Variants in MIB2 observed in about 807,000 individuals in gnomAD.
MIB2 encodes E3 ubiquitin-protein ligase MIB2.
MIB2 carries 78 observed loss-of-function variants against 96.6 expected under a neutral mutation model. The observed-to-expected ratio is 0.81, with a 90% CI of 0.67 to 0.97. MIB2 has a LOEUF of 0.97. MIB2 is among the 50% of genes least tolerant of loss of function. The probability of loss-of-function intolerance (pLI) is 0.00; values close to 1 mark genes in which losing one functional copy is unlikely to be tolerated. For missense variants in MIB2, 1,543 were observed against 1,424.0 expected, an observed-to-expected ratio of 1.08 and a Z score of -1.35; for synonymous variants, 820 against 629.5, an observed-to-expected ratio of 1.30 and a Z score of -4.53.
intron 2 of MIB2, among the ~76,000 whole-genome samples, chr1:1,622,605 G>T (rs936984937): frequency 1.3e-5 from 2 of 152,254 alleles, no homozygotes; most frequent in African/African-American, 4.8e-5. Context: ...GCTCTGGCTT[G>T]TGCTCTGTGT....
At chr1:1,616,237 C>A in intron 1 of MIB2, 1 of 483,318 alleles carries the variant, frequency 2.1e-6, no homozygotes, top group Non-Finnish European at 2.8e-6. Flanking sequence ...CGCCCGTTCC[C>A]CTGCGCCGGC....
upstream of MIB2, chr1:1,615,320 C>T: frequency 7.2e-7 from 1 of 1,387,484 alleles, no homozygotes; most frequent in Non-Finnish European, 9.3e-7. Flanking sequence ...GAGTGCGTCT[C>T]TAGGACCGCC....
intron 2 of MIB2, 50 bp downstream of exon 2, chr1:1,616,664 C>A: frequency 6.9e-7 from 1 of 1,450,344 alleles, no homozygotes; most frequent in Non-Finnish European, 9.4e-7. Context: ...GGCTCTCCCA[C>A]TTTGGGGCTC....
chr1:1,628,451 G>A (rs1459868086), intron 15 of MIB2, 38 bp from the exon 16 acceptor site: 5 of 1,598,088 alleles, frequency 3.1e-6, no homozygotes, highest in Non-Finnish European at 4.3e-6. Flanking sequence ...GAGGCCCACT[G>A]GGGTCCCTGG....
In MIB2 at chr1:1,628,356, C is replaced by T. The variant is rs1232218317; in HGVS notation, c.1925C>T (p.Ala642Val). Residue 642 changes from alanine (A) to valine (V), a missense_variant, in exon 15 of 20, where the codon GCC becomes GTC. Coordinates refer to ENST00000355826, the MANE Select transcript of MIB2 (RefSeq NM_001170687.4). ...EDGFTALHLA[A>V]LNNHREVAQI... ...GGCTTCACGGCGCTGCATCTGGCTG[C>T]CCTCAACAACCACCGCGAGGTGGCC... The T allele has an allele frequency of 4.3e-6, 7 of 1,612,658 alleles. No homozygotes were observed. The highest frequency in any genetic ancestry group is 2.2e-5 in the East Asian group (1 of 44,890).
In MIB2 at chr1:1,625,761, C is replaced by CG; in HGVS notation, c.972+109dup. ...AGGACTAGGGTGCCAGCTGCACCCA[C>CG]GAGTCCCCAGCCCTGAAGGAAGGGG... On this transcript the variant is annotated intron_variant, in intron 8 of 19. Coordinates refer to ENST00000355826, the MANE Select transcript of MIB2 (RefSeq NM_001170687.4). The surrounding 1 kb of genome is among the most constrained non-coding windows in gnomAD (Gnocchi z 5.0). 2.3e-6 allele frequency: 2 copies of CG among 872,784 alleles called. No homozygotes were observed. The highest frequency in any genetic ancestry group is 5.4e-5 in the East Asian group (2 of 37,252). 54.1% of individuals were successfully genotyped at this position (872,784 alleles called of 1,614,324 possible). A position where few individuals can be genotyped will look rare whatever the true frequency, so the allele number is the denominator to read the frequency against.
intron 16 of MIB2, 51 bp from the exon 17 acceptor site, chr1:1,629,082 C>T (rs1402225879): frequency 7.2e-7 from 1 of 1,392,110 alleles, no homozygotes; most frequent in Non-Finnish European, 9.2e-7. Flanking sequence ...AGACGCCTCC[C>T]TCGGGCCTGC....
At chr1:1,623,277 GCC>G in intron 2 of MIB2, 152 bp from the exon 3 acceptor site, 2 of 1,313,206 alleles carry the variant, frequency 1.5e-6, no homozygotes, top group South Asian at 3.1e-5. Flanking sequence ...GCCTCCTTGG[GCC>G]CTAGGGCTTG....
At chr1:1,617,692 C>A (rs1449410153) in intron 2 of MIB2, 1 of 152,184 alleles carries the variant, frequency 6.6e-6, no homozygotes, top group Non-Finnish European at 1.5e-5. Flanking sequence ...GGGACGCTGC[C>A]TCGAGGCTGG....
intron 16 of MIB2, 63 bp from the exon 17 acceptor site, chr1:1,629,070 G>A: frequency 7.3e-7 from 1 of 1,369,340 alleles, no homozygotes; most frequent in Non-Finnish European, 9.4e-7. Context: ...CCAGGTGCCA[G>A]GAGACGCCTC....
At chr1:1,628,767 C>T (rs1004887076) in intron 16 of MIB2, 45 bp downstream of exon 16, 33 of 1,411,714 alleles carry the variant, frequency 2.3e-5, no homozygotes, top group South Asian at 1.1e-4. Context: ...GCGGTGGCGC[C>T]GGCAGCAGGC....
At chr1:1,627,543 T>C (rs970341141) in intron 12 of MIB2, 99 bp downstream of exon 12, 4 of 1,472,330 alleles carry the variant, frequency 2.7e-6, no homozygotes, top group African/African-American at 1.5e-5. Context: ...CTGTGCGTCC[T>C]GGGGTGAGGC....
At chr1:1,623,045 C>G (rs1037433645) in intron 2 of MIB2, 1 of 348,996 alleles carries the variant, frequency 2.9e-6, no homozygotes, top group East Asian at 5.3e-5. Context: ...GTGAGTGTCT[C>G]GGGGGACGGC....
Position 1,623,868 on chromosome 1 carries a change from C to G in MIB2, c.342C>G (p.Leu114=), listed in dbSNP as rs1644487855. Residue 114 remains leucine (L), a synonymous_variant, in exon 4 of 20, where the codon CTC becomes CTG. Coordinates refer to ENST00000355826, the MANE Select transcript of MIB2 (RefSeq NM_001170687.4). ...WKCRVCLDYD[L]CTQCYMHNKH... is the part of the protein sequence containing the mutation. Reference sequence around the variant, plus strand: ...GCCGTGTGTGCCTGGACTACGACCTCTGCACGCAGTGCTACATGCACAACA... The same window carrying G: ...GCCGTGTGTGCCTGGACTACGACCTGTGCACGCAGTGCTACATGCACAACA... 1.2e-6 allele frequency: 2 copies of G among 1,611,998 alleles called. No homozygotes were observed. Among genetic ancestry groups the G allele is most frequent in the Non-Finnish European group, 1.7e-6 (2 of 1,179,562 alleles).
At chr1:1,615,280 C>T (rs1472199182), upstream of MIB2, 12 of 1,283,806 alleles carry the variant, frequency 9.3e-6, no homozygotes, top group Non-Finnish European at 1.2e-5. Context: ...AGCGCGACGT[C>T]GCTCCCAAGC....
Position 1,628,477 on chromosome 1 carries a change from A to C in MIB2, c.1969-12A>C, listed in dbSNP as rs1569869175. The C allele has an allele frequency of 2.5e-6, 4 of 1,594,640 alleles. No homozygotes were observed. Among genetic ancestry groups the C allele is most frequent in the Non-Finnish European group, 3.4e-6 (4 of 1,174,258 alleles). ...GGGTCCCTGGGCTGAGCCCGTCCCC[A>C]CCCCTCCCCAGGGCCGCTGTGACGT... On this transcript the variant is annotated splice_polypyrimidine_tract_variant and intron_variant, in intron 15 of 19. Transcript: ENST00000355826.
In MIB2 at chr1:1,630,313, C is replaced by T. The variant is rs1229257988; in HGVS notation, c.2651C>T (p.Ala884Val). Residue 884 changes from alanine to valine, a missense_variant, in exon 20 of 20, where the codon GCC (alanine) becomes GTC (valine). Physicochemically the swap from Ala to Val is moderately conservative, Grantham distance 64 (BLOSUM62 0). Coordinates refer to ENST00000355826, the MANE Select transcript of MIB2 (RefSeq NM_001170687.4). ...LRPDGSEVAS[A>V]APAPGPPRQL... ...GCAGACGGCTCTGAGGTGGCGAGCGCCGCCCCCGCCCCCGGCCCGCCGCGC... is the reference window on the plus strand; with the variant it reads ...GCAGACGGCTCTGAGGTGGCGAGCGTCGCCCCCGCCCCCGGCCCGCCGCGC... The T allele has an allele frequency of 1.3e-6, 2 of 1,520,672 alleles. No individual in the cohort carries two copies. Among genetic ancestry groups the T allele is most frequent in the East Asian group, 2.6e-5 (1 of 38,774 alleles). The allele number at this position is 1,520,672 out of a possible 1,614,324, so 94.2% of individuals were successfully genotyped here.
Position 1,625,342 on chromosome 1 carries a change from G to C in MIB2, c.778G>C (p.Gly260Arg). 1 of 1,579,252 alleles carries C rather than the reference G, an allele frequency of 6.3e-7. No homozygotes were observed. The change falls in exon 7 of 20, where the codon GGG (glycine) becomes CGG (arginine). Residue 260 changes from glycine to arginine, a missense_variant. By Grantham distance (125) the Gly-to-Arg change is moderately radical. Coordinates refer to ENST00000355826, the MANE Select transcript of MIB2 (RefSeq NM_001170687.4). The surrounding 1 kb of genome is among the most constrained non-coding windows in gnomAD (Gnocchi z 5.0). ...TGCTGACAGCCAGCCCTTCCAGCAC[G>C]GGGACAAGGTCAAGTGTCTGCTGGA... ...VSADSQPFQH[G>R]DKVKCLLDTD...
chr1:1,625,801 G>A lies in MIB2; in HGVS notation c.972+148G>A, dbSNP rs1336528112. ...GAAGGAAGGGGAGGGACTGGTGGGT[G>A]GAGGTGGGTGGGGTCAAGGAGAAGA... On this transcript the variant is annotated intron_variant, in intron 8 of 19. Coordinates refer to ENST00000355826, the MANE Select transcript of MIB2 (RefSeq NM_001170687.4). This position sits in a 1 kb window ranked among gnomAD's most constrained non-coding sequence, Gnocchi z 5.0. 4 of 659,128 alleles carry A rather than the reference G, an allele frequency of 6.1e-6. No individual in the cohort carries two copies. The highest frequency in any genetic ancestry group is 5.3e-5 in the Admixed American group (2 of 37,422). The allele number at this position is 659,128 out of a possible 1,614,324, so 40.8% of individuals were successfully genotyped here. A position where few individuals can be genotyped will look rare whatever the true frequency, so the allele number is the denominator to read the frequency against.
Sources: allele counts gnomAD v4.1 joint callset (sites outside exome capture counted in the v4.1 genomes callset), GRCh38; gene constraint gnomAD v4.1.1; non-coding constraint Gnocchi (gnomAD v3.1); transcripts MANE v1.5; gene names NCBI Gene and HGNC (gene_info 2026-07-23, HGNC 2026-07-21).